The following FMO2 variants were observed in gnomAD, a reference collection of about 807,000 sequenced individuals.
The protein encoded by FMO2 is flavin-containing monooxygenase 2.
Under a neutral mutation model 41.6 loss-of-function variants are expected in FMO2, and 33 were observed. The ratio of observed to expected loss-of-function variants is 0.79; its 90% CI spans 0.60 to 1.06. The LOEUF is 1.06. FMO2 is among the 50% of genes least tolerant of loss of function. The pLI is 0.00. For missense variants in FMO2, 619 were observed against 632.9 expected (o/e 0.98, Z 0.23); for synonymous variants, 214 against 219.6 (o/e 0.97, Z 0.23).
At chr1:171,188,203 G>A (rs1204536109) in intron 2 of FMO2, among the ~76,000 whole-genome samples, 4 of 152,066 alleles carry the variant, frequency 2.6e-5, no homozygotes, top group Non-Finnish European at 4.4e-5. Context: ...GTCAGCAAAA[G>A]AGATGAGAGT....
At chr1:171,204,135 CA>C (rs1557982941) in intron 6 of FMO2, 71 bp downstream of exon 6, 3 of 1,076,482 alleles carry the variant, frequency 2.8e-6, no homozygotes, top group Non-Finnish European at 4.3e-6. Context: ...TCTCCCTTAA[CA>C]AAGATTCAAA....
intron 4 of FMO2, among the ~76,000 whole-genome samples, chr1:171,198,416 T>TA (rs1299248028): frequency 6.6e-6 from 1 of 152,036 alleles, no homozygotes; most frequent in Non-Finnish European, 1.5e-5. Flanking sequence ...AGTGATTTTT[T>TA]TTTTTTTTTG....
chr1:171,201,757 G>A (rs1658546313), intron 5 of FMO2, among the ~76,000 whole-genome samples: 1 of 152,172 alleles, frequency 6.6e-6, no homozygotes, highest in Non-Finnish European at 1.5e-5. Context: ...GGCATGGCTG[G>A]GGAAGCCTCA....
At chr1:171,186,542 A>G (rs918690496) in intron 2 of FMO2, among the ~76,000 whole-genome samples, 1 of 152,068 alleles carries the variant, frequency 6.6e-6, no homozygotes, top group Non-Finnish European at 1.5e-5. Flanking sequence ...GCAAAGGGGG[A>G]AAAGCCCCTT....
intron 3 of FMO2, among the ~76,000 whole-genome samples, chr1:171,196,260 G>C (rs1342273862): frequency 1.3e-5 from 2 of 152,278 alleles, no homozygotes; most frequent in Non-Finnish European, 2.9e-5. Flanking sequence ...CAATAACAAG[G>C]GTGATGCCAG....
chr1:171,200,784 G>A (rs1020028002), intron 5 of FMO2, among the ~76,000 whole-genome samples: 1 of 152,184 alleles, frequency 6.6e-6, no homozygotes, highest in African/African-American at 2.4e-5. Context: ...CAAGTGAGGA[G>A]GCAGGAACTG....
chr1:171,188,399 G>A (rs1657943086), intron 2 of FMO2, among the ~76,000 whole-genome samples: 1 of 152,182 alleles, frequency 6.6e-6, no homozygotes, highest in South Asian at 2.1e-4. Flanking sequence ...TAAGGGTTAA[G>A]TATATAACTG....
At chr1:171,198,465 G>A (rs1475855435) in intron 4 of FMO2, among the ~76,000 whole-genome samples, 3 of 150,638 alleles carry the variant, frequency 2.0e-5, no homozygotes, top group East Asian at 2.0e-4. Context: ...GAGTGCAGTG[G>A]CACGATCTCA....
Position 171,204,195 on chromosome 1 carries a change from T to A in FMO2, c.827+131T>A, listed in dbSNP as rs1658659680. 6 of 665,888 alleles carry A rather than the reference T, an allele frequency of 9.0e-6. No homozygotes were observed. The South Asian group carries it at 1.1e-4, about 12-fold the overall frequency. The allele number at this position is 665,888 out of a possible 1,614,324, so 41.2% of individuals were successfully genotyped here. On this transcript the variant is annotated intron_variant, in intron 6 of 8. Transcript: ENST00000209929. ...ACAATCTAACAATATGAGTATCTTA[T>A]AGGTCCTGGAGTTTAGCTTCTAAAT...
At chr1:171,207,884 T>C (rs1658830227) in intron 8 of FMO2, 94 bp downstream of exon 8, 1 of 804,988 alleles carries the variant, frequency 1.2e-6, no homozygotes, top group Non-Finnish European at 2.1e-6. Context: ...CCTGATAAAA[T>C]GCAAATTTCT....
Position 171,196,820 on chromosome 1 carries a change from C to T in FMO2, c.484+9C>T, listed in dbSNP as rs766307231. On this transcript the variant is annotated intron_variant, in intron 4 of 8. Transcript: ENST00000209929. ...ACTGAAGTCATTTCCAGGTGAGACC[C>T]GCTGGGATTCCCAGCTTTTTGGAGT... 25 of 1,609,024 alleles carry T rather than the reference C, an allele frequency of 1.6e-5. No homozygotes were observed. The highest frequency in any genetic ancestry group is 7.8e-5 in the South Asian group (7 of 90,322).
chr1:171,209,363 T>C lies in FMO2; in HGVS notation c.*218T>C, dbSNP rs1001214700. ...TTTTGCCTTTCCACGCTTCCCTCAG[T>C]TCACCAAAGTTACCAAAATGTAAAA... On this transcript the variant is annotated 3_prime_UTR_variant, in exon 9 of 9. Transcript: ENST00000209929. The C allele has an allele frequency of 8.1e-6, 3 of 370,652 alleles. No individual in the cohort carries two copies. Among genetic ancestry groups the C allele is most frequent in the Non-Finnish European group, 1.4e-5 (3 of 209,690 alleles). The allele number at this position is 370,652 out of a possible 1,614,324, so 23.0% of individuals were successfully genotyped here. A position where few individuals can be genotyped will look rare whatever the true frequency, so the allele number is the denominator to read the frequency against.
chr1:171,187,123 C>T lies in FMO2; in HGVS notation c.132+1278C>T, dbSNP rs568657868. ...GAACTGGCCTTCAAACCACGGCCTACGTGACTTCTAAACAGATAAGCCCTG... is the reference window on the plus strand; with the variant it reads ...GAACTGGCCTTCAAACCACGGCCTATGTGACTTCTAAACAGATAAGCCCTG... On this transcript the variant is annotated intron_variant, in intron 2 of 8. Coordinates refer to ENST00000209929, the MANE Select transcript of FMO2 (RefSeq NM_001460.5). 1.8e-4 allele frequency among the ~76,000 whole-genome samples: 27 copies of T among 152,336 alleles called. 1 individual carries two copies. In the South Asian group the frequency reaches 5.0e-3, roughly 28 times the overall value.
intron 4 of FMO2, among the ~76,000 whole-genome samples, chr1:171,199,031 T>C (rs1658415975): frequency 6.6e-6 from 1 of 152,020 alleles, no homozygotes; most frequent in Non-Finnish European, 1.5e-5. Context: ...GTCACCCGAG[T>C]AGCTGGGACC....
chr1:171,204,873 C>T (rs1275011537), intron 6 of FMO2, among the ~76,000 whole-genome samples: 1 of 152,018 alleles, frequency 6.6e-6, no homozygotes, highest in East Asian at 1.9e-4. Flanking sequence ...GGAAATTTAG[C>T]AAATTTTTTC....
At chr1:171,207,911 G>A (rs951163743) in intron 8 of FMO2, 121 bp downstream of exon 8, 3 of 653,140 alleles carry the variant, frequency 4.6e-6, no homozygotes, top group South Asian at 2.0e-5. Context: ...TAGCCCAGAT[G>A]ATTGAATCAG....
Position 171,209,151 on chromosome 1 carries a change from AT to A in FMO2, c.*7del. The A allele has an allele frequency of 2.0e-6, 1 of 499,176 alleles. No individual in the cohort carries two copies. The highest frequency in any genetic ancestry group is 3.5e-6 in the Non-Finnish European group (1 of 285,226). The allele number at this position is 499,176 out of a possible 1,614,324, so 30.9% of individuals were successfully genotyped here. On this transcript the variant is annotated 3_prime_UTR_variant, in exon 9 of 9. Transcript: ENST00000209929. ...GCCAACTTCAATGGTCCTAGTCAGC[AT>A]AATGCTTTGGGCTTTATTATCTTGT...
chr1:171,207,097 G>A (rs1047184385), intron 7 of FMO2, among the ~76,000 whole-genome samples: 1 of 152,142 alleles, frequency 6.6e-6, no homozygotes, highest in Non-Finnish European at 1.5e-5. Flanking sequence ...ACTTGAACAT[G>A]AGATGTCTGA....
chr1:171,194,952 G>T (rs994486364), intron 3 of FMO2, among the ~76,000 whole-genome samples: 4 of 152,054 alleles, frequency 2.6e-5, no homozygotes, highest in Non-Finnish European at 5.9e-5. Flanking sequence ...ACCAATTCCT[G>T]GTAGATCTAA....
Sources: gnomAD v4.1 joint callset for allele counts (sites outside exome capture counted in the v4.1 genomes callset) on GRCh38, gnomAD v4.1.1 for gene constraint, MANE v1.5 for transcripts, NCBI Gene and HGNC (gene_info 2026-07-23, HGNC 2026-07-21) for gene names.